The following HIPK2 variants were observed in gnomAD, a reference collection of about 807,000 sequenced individuals.
HIPK2 encodes homeodomain-interacting protein kinase 2.
Under a neutral mutation model 113.7 loss-of-function variants are expected in HIPK2, and 27 were observed. The observed-to-expected ratio is 0.24, with a 90% CI of 0.17 to 0.33. The LOEUF (loss-of-function observed/expected upper bound fraction) is 0.33, where lower values mean the gene tolerates loss of function less well. HIPK2 is among the 10% of genes least tolerant of loss of function. HIPK2 has a pLI of 1.00. For synonymous variants in HIPK2, 631 were observed against 642.2 expected (o/e 0.98, Z 0.26); for missense variants, 1,257 against 1,588.0 (o/e 0.79, Z 3.54).
intron 2 of HIPK2, among the ~76,000 whole-genome samples, chr7:139,715,361 G>A (rs1235164455): frequency 3.3e-5 from 5 of 152,192 alleles, no homozygotes; most frequent in Non-Finnish European, 7.3e-5. Context: ...CCTTCTGCAC[G>A]TGGATAGACA....
chr7:139,742,786 C>A (rs1209992227), intron 1 of HIPK2, among the ~76,000 whole-genome samples: 1 of 152,188 alleles, frequency 6.6e-6, no homozygotes, highest in Non-Finnish European at 1.5e-5. Context: ...AAAAGACTTG[C>A]ACATCTAGGG....
At chr7:139,578,596 T>C (rs2116506163) in intron 13 of HIPK2, among the ~76,000 whole-genome samples, 1 of 152,384 alleles carries the variant, frequency 6.6e-6, no homozygotes, top group Non-Finnish European at 1.5e-5. Flanking sequence ...TTGTACTCAG[T>C]TATTTTTCTT....
chr7:139,577,857 A>AT (rs958327787), intron 13 of HIPK2, among the ~76,000 whole-genome samples: 537 of 147,950 alleles, frequency 3.6e-3, no homozygotes, highest in African/African-American at 0.012. Flanking sequence ...AACAATACTG[A>AT]TTTTTTTTTT....
At chr7:139,761,256 G>C (rs576336310) in intron 1 of HIPK2, among the ~76,000 whole-genome samples, 182 of 152,314 alleles carry the variant, frequency 1.2e-3, no homozygotes, top group African/African-American at 3.8e-3. Context: ...AAAACCCAAG[G>C]AAGGTATGGT....
rs776251970 is a variant in HIPK2, at chr7:139,631,148, G to A, written c.1347+17C>T. The A allele has an allele frequency of 6.9e-6, 11 of 1,602,512 alleles. No homozygotes were observed. In the Admixed American group the frequency reaches 1.5e-4, roughly 22 times the overall value. ...GCGCTGGGCCACTGTGAGGAGTGGA[G>A]GAGACGCTCTTCCTACCTTCAGTCT... On this transcript the variant is annotated intron_variant, in intron 4 of 14. Transcript: ENST00000406875. This position sits in a 1 kb window ranked among gnomAD's most constrained non-coding sequence, Gnocchi z 4.9.
intron 1 of HIPK2, among the ~76,000 whole-genome samples, chr7:139,734,852 G>A (rs1160080290): frequency 6.6e-6 from 1 of 152,160 alleles, no homozygotes; most frequent in Admixed American, 6.5e-5. Flanking sequence ...GGAGTGTTAT[G>A]CTGTACTAAT....
chr7:139,722,779 C>G (rs1322805697), intron 1 of HIPK2, among the ~76,000 whole-genome samples: 1 of 152,058 alleles, frequency 6.6e-6, no homozygotes, highest in East Asian at 1.9e-4. Flanking sequence ...ACTTTGAAAA[C>G]TGGGAAGTCA....
chr7:139,642,605 T>A (rs1801065322), intron 2 of HIPK2, among the ~76,000 whole-genome samples: 1 of 152,126 alleles, frequency 6.6e-6, no homozygotes, highest in Admixed American at 6.5e-5. Context: ...GCCATTGAGG[T>A]GAGCTAATCC....
Position 139,631,523 on chromosome 7 carries a change from T to C in HIPK2, c.1227+79A>G. ...TCCACAGTCCCGCCCATTTGTCATG[T>C]AATCAATGAAATGCTAATCCAGGCT... On this transcript the variant is annotated intron_variant, in intron 3 of 14. Transcript: ENST00000406875. The surrounding 1 kb of genome is among the most constrained non-coding windows in gnomAD (Gnocchi z 4.9). 2 of 1,569,214 alleles carry C rather than the reference T, an allele frequency of 1.3e-6. No individual in the cohort carries two copies. The highest frequency in any genetic ancestry group is 8.6e-7 in the Non-Finnish European group (1 of 1,156,330).
chr7:139,623,429 G>C (rs1800308358), intron 6 of HIPK2, among the ~76,000 whole-genome samples: 1 of 149,464 alleles, frequency 6.7e-6, no homozygotes, highest in Non-Finnish European at 1.5e-5. Context: ...AGAATCGCTT[G>C]AACCTGGGAG....
intron 13 of HIPK2, 70 bp from the exon 14 acceptor site, chr7:139,575,358 A>C: frequency 6.8e-7 from 1 of 1,478,372 alleles, no homozygotes; most frequent in South Asian, 1.3e-5. Context: ...CTACCCCACC[A>C]GAGAACAGTG....
intron 9 of HIPK2, among the ~76,000 whole-genome samples, chr7:139,611,807 T>A (rs1293583697): frequency 6.6e-6 from 1 of 152,082 alleles, no homozygotes; most frequent in East Asian, 1.9e-4. Flanking sequence ...GCCTCCTGAG[T>A]AGCTGAGACT....
At chr7:139,710,004 A>G (rs1795014920) in intron 2 of HIPK2, among the ~76,000 whole-genome samples, 1 of 152,216 alleles carries the variant, frequency 6.6e-6, no homozygotes, top group South Asian at 2.1e-4. Context: ...CTAGGGCCTC[A>G]TCCCTTCATT....
chr7:139,676,493 G>A (rs1802498521), intron 2 of HIPK2, among the ~76,000 whole-genome samples: 1 of 152,078 alleles, frequency 6.6e-6, no homozygotes, highest in African/African-American at 2.4e-5. Flanking sequence ...GATATTTGTT[G>A]GTTACCCACC....
chr7:139,775,304 CAG>C (rs1196560952), intron 1 of HIPK2, among the ~76,000 whole-genome samples: 1 of 152,086 alleles, frequency 6.6e-6, no homozygotes, highest in East Asian at 1.9e-4. Flanking sequence ...AGGAGGTCAT[CAG>C]AGTCTTGGCA....
At chr7:139,585,989 G>C (rs1585240178) in intron 12 of HIPK2, among the ~76,000 whole-genome samples, 2 of 152,154 alleles carry the variant, frequency 1.3e-5, no homozygotes, top group East Asian at 3.9e-4. Flanking sequence ...TAAAATCTCA[G>C]TGGAGGACTG....
intron 2 of HIPK2, among the ~76,000 whole-genome samples, chr7:139,635,622 G>C (rs1409397632): frequency 1.3e-5 from 2 of 151,990 alleles, no homozygotes; most frequent in Non-Finnish European, 2.9e-5. Flanking sequence ...ACGTGCCGCA[G>C]AATGTTCCTG....
chr7:139,716,396 C>T lies in HIPK2; in HGVS notation c.639G>A (p.Val213=). 6.2e-7 allele frequency: 1 copy of T among 1,614,082 alleles called. No individual in the cohort carries two copies. ...TGGTGCCCCGTTTCCAGCACTTGAC[C>T]ACTTGCCCAAACGTCCCTCGGCCCA... ...EFLGRGTFGQ[V]VKCWKRGTNE... The change falls in exon 2 of 15, where the codon GTG becomes GTA. Residue 213 remains valine (V), a synonymous_variant. Transcript: ENST00000406875. This position sits in a 1 kb window ranked among gnomAD's most constrained non-coding sequence, Gnocchi z 9.3.
intron 5 of HIPK2, 62 bp from the exon 6 acceptor site, chr7:139,626,847 C>A (rs1165468688): frequency 6.3e-7 from 1 of 1,588,396 alleles, no homozygotes; most frequent in Admixed American, 1.7e-5. Flanking sequence ...TCTCCTGGCT[C>A]CCCTTATTTT....
Sources: allele counts gnomAD v4.1 joint callset (sites outside exome capture counted in the v4.1 genomes callset), GRCh38; gene constraint gnomAD v4.1.1; non-coding constraint Gnocchi (gnomAD v3.1); transcripts MANE v1.5; gene names NCBI Gene and HGNC (gene_info 2026-07-23, HGNC 2026-07-21).